Variants in OXR1 observed in about 807,000 individuals in gnomAD.
The protein encoded by OXR1 is oxidation resistance protein 1.
OXR1 carries 41 observed loss-of-function variants against 104.6 expected under a neutral mutation model. The observed-to-expected ratio is 0.39, with a 90% CI of 0.31 to 0.51. The LOEUF is 0.51. Ranked by LOEUF, OXR1 falls within the 20% of genes least tolerant of loss-of-function variation. The probability of loss-of-function intolerance (pLI) is 0.77; values close to 1 mark genes in which losing one functional copy is unlikely to be tolerated. For missense variants in OXR1, 955 were observed against 1,031.9 expected (o/e 0.93, Z 1.02); for synonymous variants, 348 against 348.4 (o/e 1.00, Z 0.01).
At chr8:106,707,398 C>T in intron 9 of OXR1, 1 of 597,020 alleles carries the variant, frequency 1.7e-6, no homozygotes. Context: ...CTCACTACAT[C>T]GTATCATTAA....
chr8:106,529,485 A>G (rs971140834), intron 3 of OXR1, among the ~76,000 whole-genome samples: 1 of 152,212 alleles, frequency 6.6e-6, no homozygotes, highest in African/African-American at 2.4e-5. Context: ...AAATTTACCA[A>G]GGAACCGGAG....
intron 1 of OXR1, among the ~76,000 whole-genome samples, chr8:106,276,138 A>G (rs1033139961): frequency 6.6e-6 from 1 of 152,174 alleles, no homozygotes; most frequent in Non-Finnish European, 1.5e-5. Context: ...AATTGTCTCT[A>G]TCCTCCTAAA....
intron 2 of OXR1, among the ~76,000 whole-genome samples, chr8:106,517,466 A>G (rs1332098308): frequency 6.6e-6 from 1 of 152,144 alleles, no homozygotes; most frequent in African/African-American, 2.4e-5. Flanking sequence ...TGAGATTAAC[A>G]TCCTTGAATG....
intron 2 of OXR1, among the ~76,000 whole-genome samples, chr8:106,480,105 G>A (rs1822025602): frequency 6.6e-6 from 1 of 151,868 alleles, no homozygotes. Flanking sequence ...ACCCCACAGT[G>A]GTTCCAAAAG....
chr8:106,563,721 T>C (rs1404027208), intron 3 of OXR1, among the ~76,000 whole-genome samples: 1 of 152,118 alleles, frequency 6.6e-6, no homozygotes, highest in Non-Finnish European at 1.5e-5. Flanking sequence ...TATTCTAAAA[T>C]TGACTACGTA....
chr8:106,340,816 A>T (rs1255329850), intron 1 of OXR1, among the ~76,000 whole-genome samples: 1 of 152,178 alleles, frequency 6.6e-6, no homozygotes, highest in Non-Finnish European at 1.5e-5. Context: ...AATGATTTAC[A>T]TTTATACTAT....
chr8:106,476,375 G>A (rs528118046), intron 2 of OXR1, among the ~76,000 whole-genome samples: 5 of 151,872 alleles, frequency 3.3e-5, no homozygotes, highest in South Asian at 2.1e-4. Context: ...AAGGGTTATC[G>A]TTGTCCAGAC....
chr8:106,515,909 C>A (rs1408044031), intron 2 of OXR1, among the ~76,000 whole-genome samples: 1 of 152,134 alleles, frequency 6.6e-6, no homozygotes, highest in African/African-American at 2.4e-5. Flanking sequence ...TGAGATACAG[C>A]TTTCACCCTA....
intron 3 of OXR1, among the ~76,000 whole-genome samples, chr8:106,550,636 G>C (rs1308230665): frequency 6.6e-6 from 1 of 152,026 alleles, no homozygotes; most frequent in African/African-American, 2.4e-5. Context: ...GAGATCTGAT[G>C]GTTTTATAAG....
chr8:106,426,894 G>A lies in OXR1; in HGVS notation c.23+67258G>A, dbSNP rs1199840728. On this transcript the variant is annotated intron_variant, in intron 2 of 16. Coordinates refer to ENST00000517566, the MANE Select transcript of OXR1 (RefSeq NM_001198533.2). ...TAAGTGAACTAAAATTAGAATCACT[G>A]CATCAGGAAATTTGTTAGAAATATT... Among the ~76,000 whole-genome samples the A allele has an allele frequency of 5.3e-5, 8 of 152,124 alleles. No individual in the cohort carries two copies. The East Asian group carries it at 1.5e-3, about 29-fold the overall frequency.
intron 3 of OXR1, among the ~76,000 whole-genome samples, chr8:106,573,722 G>T (rs1030200634): frequency 6.6e-6 from 1 of 152,166 alleles, no homozygotes; most frequent in Non-Finnish European, 1.5e-5. Flanking sequence ...ATGTCTTTAT[G>T]CTTAAGATGT....
chr8:106,615,825 A>G (rs920604989), intron 3 of OXR1, among the ~76,000 whole-genome samples: 1 of 152,118 alleles, frequency 6.6e-6, no homozygotes, highest in African/African-American at 2.4e-5. Context: ...CAAATCTTGG[A>G]GAATAAGCAA....
intron 3 of OXR1, among the ~76,000 whole-genome samples, chr8:106,604,138 T>C (rs1188610277): frequency 6.6e-6 from 1 of 152,168 alleles, no homozygotes; most frequent in Non-Finnish European, 1.5e-5. Flanking sequence ...AAAAAGCAGG[T>C]GTATACCGTC....
At chr8:106,341,017 C>T (rs929743561) in intron 1 of OXR1, among the ~76,000 whole-genome samples, 1 of 151,998 alleles carries the variant, frequency 6.6e-6, no homozygotes, top group Non-Finnish European at 1.5e-5. Context: ...AGTGATAAGC[C>T]CAAGCTTGAA....
At chr8:106,483,009 T>C (rs528901053) in intron 2 of OXR1, among the ~76,000 whole-genome samples, 1 of 152,006 alleles carries the variant, frequency 6.6e-6, no homozygotes, top group African/African-American at 2.4e-5. Flanking sequence ...TGTCAGGCAA[T>C]ATCCTAGGTC....
chr8:106,574,630 C>T (rs1817697745), intron 3 of OXR1, among the ~76,000 whole-genome samples: 1 of 152,162 alleles, frequency 6.6e-6, no homozygotes, highest in Non-Finnish European at 1.5e-5. Context: ...TGGCACAGAC[C>T]CTCTGAAGGA....
intron 3 of OXR1, among the ~76,000 whole-genome samples, chr8:106,659,275 A>G (rs1825501393): frequency 6.6e-6 from 1 of 152,238 alleles, no homozygotes; most frequent in Admixed American, 6.5e-5. Context: ...GTTGTTTTAA[A>G]GCAGTAAAAC....
intron 3 of OXR1, among the ~76,000 whole-genome samples, chr8:106,656,946 A>C (rs1825146755): frequency 6.6e-6 from 1 of 152,012 alleles, no homozygotes; most frequent in Non-Finnish European, 1.5e-5. Flanking sequence ...TCAACTTCCT[A>C]AGTAATTCAA....
At chr8:106,535,042 A>G (rs1422393703) in intron 3 of OXR1, among the ~76,000 whole-genome samples, 4 of 152,062 alleles carry the variant, frequency 2.6e-5, no homozygotes, top group African/African-American at 9.7e-5. Flanking sequence ...AGCTCACTGC[A>G]AGCTCCGCCT....
Sources: allele counts gnomAD v4.1 joint callset (sites outside exome capture counted in the v4.1 genomes callset), GRCh38; gene constraint gnomAD v4.1.1; transcripts MANE v1.5; gene names NCBI Gene and HGNC (gene_info 2026-07-23, HGNC 2026-07-21).